Variants in SLIT1 observed in about 807,000 individuals in gnomAD.
SLIT1 encodes slit homolog 1 protein.
Under a neutral mutation model 186.1 loss-of-function variants are expected in SLIT1, and 66 were observed. That is an observed-to-expected ratio of 0.35 (90% confidence interval 0.29 to 0.44). The LOEUF is 0.44. Ranked by LOEUF, SLIT1 falls within the 20% of genes least tolerant of loss-of-function variation. The pLI is 1.00. For synonymous variants in SLIT1, 761 were observed against 833.8 expected (o/e 0.91, Z 1.50); for missense variants, 1,638 against 2,037.4 (o/e 0.80, Z 3.77).
In SLIT1 at chr10:97,074,966, G is replaced by A. The variant is rs555371262; in HGVS notation, c.414-8880C>T. Among the ~76,000 whole-genome samples the A allele has an allele frequency of 1.1e-4, 17 of 152,388 alleles. 1 individual carries two copies. The East Asian group carries it at 3.3e-3, about 29-fold the overall frequency. ...AGACCAGCCTCTAAGGGGATTAGCAGTGGGGGCAGGGGTGGGAGTACACAG... is the reference window on the plus strand; with the variant it reads ...AGACCAGCCTCTAAGGGGATTAGCAATGGGGGCAGGGGTGGGAGTACACAG... On this transcript the variant is annotated intron_variant, in intron 4 of 36. Transcript: ENST00000266058.
At chr10:97,164,410 C>A (rs942366216) in intron 2 of SLIT1, among the ~76,000 whole-genome samples, 7 of 152,172 alleles carry the variant, frequency 4.6e-5, no homozygotes, top group African/African-American at 1.7e-4. Flanking sequence ...GCATGGGCCT[C>A]CCCAGACTCA....
chr10:97,002,433 C>T (rs965765771), intron 35 of SLIT1, 64 bp from the exon 36 acceptor site: 17 of 1,308,752 alleles, frequency 1.3e-5, no homozygotes, highest in African/African-American at 7.3e-5. Flanking sequence ...TGACACAGCC[C>T]GCCCCACCTG....
At chr10:97,178,776 AGAG>A (rs1850290574) in intron 1 of SLIT1, among the ~76,000 whole-genome samples, 1 of 96,042 alleles carries the variant, frequency 1.0e-5, no homozygotes, top group African/African-American at 3.5e-5. Context: ...GATAGAGAGA[AGAG>A]AGAGAGAGAA....
intron 4 of SLIT1, among the ~76,000 whole-genome samples, chr10:97,124,230 C>A (rs1849584707): frequency 6.6e-6 from 1 of 152,190 alleles, no homozygotes; most frequent in South Asian, 2.1e-4. Context: ...CTTGTCCCTG[C>A]ACATTTTCTT....
In SLIT1 at chr10:97,001,695, G is replaced by A. The variant is rs543175646; in HGVS notation, c.4367-345C>T. 3.9e-5 allele frequency among the ~76,000 whole-genome samples: 6 copies of A among 152,234 alleles called. No homozygotes were observed. In the South Asian group the frequency reaches 1.2e-3, roughly 32 times the overall value. ...CATGCTGGGGAGGGGATAGCCTAGG[G>A]GACCCTTAAGGTGCCTGAGTTCTGG... On this transcript the variant is annotated intron_variant, in intron 36 of 36. Coordinates refer to ENST00000266058, the MANE Select transcript of SLIT1 (RefSeq NM_003061.3).
At chr10:97,105,510 C>T (rs781115169) in intron 4 of SLIT1, among the ~76,000 whole-genome samples, 12 of 152,144 alleles carry the variant, frequency 7.9e-5, no homozygotes, top group Non-Finnish European at 1.6e-4. Context: ...CTCCAGTGAC[C>T]GTGGTGTAAT....
At chr10:97,126,556 C>T (rs1376318235) in intron 4 of SLIT1, among the ~76,000 whole-genome samples, 2 of 152,164 alleles carry the variant, frequency 1.3e-5, no homozygotes, top group Non-Finnish European at 2.9e-5. Flanking sequence ...ACTTCAAGAC[C>T]AGAGACTGGC....
At chr10:97,107,311 C>T (rs999969215) in intron 4 of SLIT1, among the ~76,000 whole-genome samples, 5 of 152,202 alleles carry the variant, frequency 3.3e-5, no homozygotes, top group African/African-American at 1.2e-4. Flanking sequence ...GTTATTTTAA[C>T]TCTATGCTTA....
intron 20 of SLIT1, among the ~76,000 whole-genome samples, chr10:97,041,232 C>T (rs564171722): frequency 3.3e-5 from 5 of 152,288 alleles, no homozygotes; most frequent in East Asian, 3.9e-4. Context: ...TGCATTGGAG[C>T]GGGACTTGGG....
chr10:97,087,097 AT>A (rs1342325714), intron 4 of SLIT1, among the ~76,000 whole-genome samples: 1 of 79,132 alleles, frequency 1.3e-5, no homozygotes, highest in Non-Finnish European at 3.6e-5. Context: ...TATTAAAACA[AT>A]TAAAAAAAAA....
intron 13 of SLIT1, among the ~76,000 whole-genome samples, 170 bp from the exon 14 acceptor site, chr10:97,049,288 C>T (rs1848766744): frequency 6.6e-6 from 1 of 152,136 alleles, no homozygotes; most frequent in Non-Finnish European, 1.5e-5. Flanking sequence ...CAGGGTGCAG[C>T]CCACCACCTC....
intron 4 of SLIT1, among the ~76,000 whole-genome samples, chr10:97,118,783 A>G (rs1379502074): frequency 6.6e-6 from 1 of 152,244 alleles, no homozygotes; most frequent in African/African-American, 2.4e-5. Flanking sequence ...CTCACCAGAA[A>G]AAATGGGGAT....
rs1848621256 is a variant in SLIT1 at position 97,034,503 on chromosome 10, G to A, written c.2406C>T (p.Ser802=). 6.2e-6 allele frequency: 10 copies of A among 1,613,698 alleles called. No homozygotes were observed. The highest frequency in any genetic ancestry group is 8.5e-6 in the Non-Finnish European group (10 of 1,179,768). ...SNNKISSLSN[S]SFTNMSQLTT... ...TCAGCTGGCTCATGTTGGTGAAGGA[G>A]GAATTGCTTAAGGAACTGATCTTGT... The change falls in exon 23 of 37, where the codon TCC becomes TCT. Residue 802 remains serine, a synonymous_variant. Coordinates refer to ENST00000266058, the MANE Select transcript of SLIT1 (RefSeq NM_003061.3).
chr10:97,019,962 TTTTTCCTTTA>T (rs879712337), intron 26 of SLIT1, among the ~76,000 whole-genome samples: 13 of 151,640 alleles, frequency 8.6e-5, no homozygotes, highest in Non-Finnish European at 1.8e-4. Context: ...TTTCCTTTCT[TTTTTCCTTTA>T]TTTTCCTTTA....
rs1848300406 is a variant in SLIT1, at chr10:97,000,869, T to G, written c.*243A>C. 1 of 554,658 alleles carries G rather than the reference T, an allele frequency of 1.8e-6. No individual in the cohort carries two copies. 34.4% of individuals were successfully genotyped at this position (554,658 alleles called of 1,614,324 possible). On this transcript the variant is annotated 3_prime_UTR_variant, in exon 37 of 37. Transcript: ENST00000266058. Reference sequence around the variant, plus strand: ...CAACAAATATTTATTAAGCGCCTATTTGTGCAAGGCACTTCCGGAGAGGGC... The same window carrying G: ...CAACAAATATTTATTAAGCGCCTATGTGTGCAAGGCACTTCCGGAGAGGGC...
At chr10:97,134,822 A>C (rs895236303) in intron 4 of SLIT1, among the ~76,000 whole-genome samples, 2 of 152,060 alleles carry the variant, frequency 1.3e-5, no homozygotes, top group South Asian at 2.1e-4. Context: ...TCTAGAGGAG[A>C]GATGAGGACG....
In SLIT1 at chr10:97,060,705, G is replaced by A. The variant is rs139399263; in HGVS notation, c.876C>T (p.Ile292=). The change falls in exon 9 of 37, where the codon ATC becomes ATT. Residue 292 remains isoleucine, a synonymous_variant. Transcript: ENST00000266058. The stretch of plus-strand genomic sequence containing the variant: ...TGAGGCCTTTTCCACGACAGTCCAC[G>A]ATGCCATTGCTGCAGGTGCACATGG... ...CPAMCTCSNG[I]VDCRGKGLTA... 9.3e-6 allele frequency: 15 copies of A among 1,613,676 alleles called. No individual in the cohort carries two copies. The African/African-American group carries it at 1.6e-4, about 17-fold the overall frequency.
At chr10:97,164,153 A>G (rs1270695176) in intron 2 of SLIT1, among the ~76,000 whole-genome samples, 1 of 152,202 alleles carries the variant, frequency 6.6e-6, no homozygotes, top group East Asian at 1.9e-4. Flanking sequence ...TTTCACCAAC[A>G]GATTGACTGT....
chr10:97,037,088 GTGTGTGTGTGTA>G (rs1230585626), intron 22 of SLIT1, among the ~76,000 whole-genome samples: 118 of 149,038 alleles, frequency 7.9e-4, no homozygotes, highest in Non-Finnish European at 1.5e-3. Context: ...GTGTGTGTGT[GTGTGTGTGTGTA>G]TGTGTGTGTG....
Sources: allele counts gnomAD v4.1 joint callset (sites outside exome capture counted in the v4.1 genomes callset), GRCh38; gene constraint gnomAD v4.1.1; transcripts MANE v1.5; gene names NCBI Gene and HGNC (gene_info 2026-07-23, HGNC 2026-07-21).